The following NAV2 variants were observed in gnomAD, a reference collection of about 807,000 sequenced individuals.
The protein encoded by NAV2 is helicase, APC down-regulated 1.
Under a neutral mutation model 223.2 loss-of-function variants are expected in NAV2, and 54 were observed. That is an observed-to-expected ratio of 0.24 (90% CI 0.19 to 0.30). The LOEUF is 0.30. Ranked by LOEUF, NAV2 falls within the 10% of genes least tolerant of loss-of-function variation. The probability of loss-of-function intolerance (pLI) is 1.00; values close to 1 mark genes in which losing one functional copy is unlikely to be tolerated. For missense variants in NAV2, 2,806 were observed against 3,147.5 expected (o/e 0.89, Z 2.60); for synonymous variants, 1,279 against 1,239.3 (o/e 1.03, Z -0.67).
intron 5 of NAV2, among the ~76,000 whole-genome samples, chr11:19,886,672 C>A (rs1018682164): frequency 6.6e-6 from 1 of 152,150 alleles, no homozygotes; most frequent in African/African-American, 2.4e-5. Flanking sequence ...AAAACAGGAC[C>A]TAGCTGGGGA....
intron 1 of NAV2, among the ~76,000 whole-genome samples, chr11:19,482,109 G>T (rs547931149): frequency 1.3e-5 from 2 of 152,198 alleles, no homozygotes; most frequent in African/African-American, 2.4e-5. Flanking sequence ...TTGAAAGTCT[G>T]CTGTGGGTAA....
At chr11:20,093,238 C>G (rs1464812340) in intron 29 of NAV2, 39 bp downstream of exon 29, 1 of 1,386,870 alleles carries the variant, frequency 7.2e-7, no homozygotes, top group Non-Finnish European at 1.0e-6. Context: ...CTGTCCCTCC[C>G]CCAGGTAGAA....
chr11:20,038,767 G>A lies in NAV2; in HGVS notation c.2907+2670G>A, dbSNP rs1360985589. 2.0e-5 allele frequency among the ~76,000 whole-genome samples: 3 copies of A among 152,218 alleles called. No homozygotes were observed. The East Asian group carries it at 5.8e-4, about 29-fold the overall frequency. ...GAGGCAGGGAGAAGTGGCTCAGCATGTCCATCAGGAAAGCAAATTGAGGAC... is the reference window on the plus strand; with the variant it reads ...GAGGCAGGGAGAAGTGGCTCAGCATATCCATCAGGAAAGCAAATTGAGGAC... On this transcript the variant is annotated intron_variant, in intron 12 of 37. Transcript: ENST00000349880.
intron 1 of NAV2, among the ~76,000 whole-genome samples, chr11:19,472,347 T>C (rs753614925): frequency 4.6e-5 from 7 of 152,156 alleles, no homozygotes; most frequent in Non-Finnish European, 1.0e-4. Context: ...GTGCCTCAGG[T>C]TCCTCATCTG....
At chr11:19,838,336 A>T (rs1005351897) in intron 2 of NAV2, among the ~76,000 whole-genome samples, 7 of 152,136 alleles carry the variant, frequency 4.6e-5, no homozygotes, top group African/African-American at 1.7e-4. Flanking sequence ...GGAGGGTGTC[A>T]ATCACAGAAA....
intron 1 of NAV2, among the ~76,000 whole-genome samples, chr11:19,535,617 T>G (rs556894598): frequency 1.3e-5 from 2 of 152,216 alleles, no homozygotes; most frequent in Non-Finnish European, 2.9e-5. Flanking sequence ...AGTATTCTAT[T>G]TATCCCTTAT....
At chr11:20,069,853 GC>G (rs1479624591) in intron 22 of NAV2, among the ~76,000 whole-genome samples, 2 of 152,160 alleles carry the variant, frequency 1.3e-5, no homozygotes, top group Non-Finnish European at 2.9e-5. Context: ...CCCAGCTTGA[GC>G]CTTAGTTTAC....
At chr11:19,624,272 G>A (rs981204246) in intron 1 of NAV2, among the ~76,000 whole-genome samples, 1 of 152,190 alleles carries the variant, frequency 6.6e-6, no homozygotes, top group Non-Finnish European at 1.5e-5. Flanking sequence ...CATGCTGGGA[G>A]TACCACTACT....
intron 1 of NAV2, among the ~76,000 whole-genome samples, chr11:19,359,840 T>C (rs564926966): frequency 6.6e-6 from 1 of 152,332 alleles, no homozygotes; most frequent in Non-Finnish European, 1.5e-5. Context: ...GTCACTTCTC[T>C]GCCTGTCTTG....
intron 1 of NAV2, among the ~76,000 whole-genome samples, chr11:19,582,871 G>C (rs887479742): frequency 2.6e-5 from 4 of 152,112 alleles, no homozygotes; most frequent in Non-Finnish European, 5.9e-5. Context: ...CTCTTTTTTG[G>C]TTCCATATGA....
chr11:19,463,383 A>C (rs962472078), intron 1 of NAV2, among the ~76,000 whole-genome samples: 3 of 152,210 alleles, frequency 2.0e-5, no homozygotes, highest in Non-Finnish European at 4.4e-5. Context: ...CTCTAATCCC[A>C]TGCCTGTGTC....
At chr11:19,615,044 C>T (rs1263043993) in intron 1 of NAV2, among the ~76,000 whole-genome samples, 1 of 152,052 alleles carries the variant, frequency 6.6e-6, no homozygotes, top group African/African-American at 2.4e-5. Flanking sequence ...CAGATGGCTG[C>T]CTGCCCCAAA....
intron 1 of NAV2, among the ~76,000 whole-genome samples, chr11:19,548,151 G>T (rs1156731144): frequency 2.0e-5 from 3 of 152,152 alleles, no homozygotes; most frequent in Admixed American, 2.0e-4. Flanking sequence ...ACAATTTCAT[G>T]GCTGTCGGTA....
chr11:20,001,853 A>AT (rs979245821), intron 11 of NAV2, among the ~76,000 whole-genome samples: 3 of 152,104 alleles, frequency 2.0e-5, no homozygotes, highest in Middle Eastern at 6.8e-3. Context: ...CTAAAGTGTA[A>AT]TAAAAAAAAA....
chr11:19,976,855 A>C (rs1163689392), intron 10 of NAV2, among the ~76,000 whole-genome samples: 2 of 152,196 alleles, frequency 1.3e-5, no homozygotes, highest in Non-Finnish European at 2.9e-5. Context: ...TGGTCACGTC[A>C]TCCTATGCTC....
At chr11:20,091,109 G>T in intron 27 of NAV2, 91 bp downstream of exon 27, 1 of 1,365,466 alleles carries the variant, frequency 7.3e-7, no homozygotes. Context: ...GGCTGCATCA[G>T]AATCTGGTGG....
At chr11:19,996,899 G>T (rs1325343451) in intron 11 of NAV2, among the ~76,000 whole-genome samples, 1 of 152,208 alleles carries the variant, frequency 6.6e-6, no homozygotes, top group East Asian at 1.9e-4. Context: ...AATGGGGACA[G>T]AGGGAAATGA....
intron 1 of NAV2, among the ~76,000 whole-genome samples, chr11:19,362,536 A>G (rs1388819647): frequency 6.6e-6 from 1 of 152,234 alleles, no homozygotes; most frequent in Non-Finnish European, 1.5e-5. Context: ...CCAGGAGTAC[A>G]CAGACCTGTT....
chr11:19,641,224 C>T (rs1368449264), intron 1 of NAV2, among the ~76,000 whole-genome samples: 4 of 152,160 alleles, frequency 2.6e-5, no homozygotes. Flanking sequence ...AATTTTGACT[C>T]TACATAGTTT....
Sources: allele counts gnomAD v4.1 joint callset (sites outside exome capture counted in the v4.1 genomes callset), GRCh38; gene constraint gnomAD v4.1.1; transcripts MANE v1.5; gene names NCBI Gene and HGNC (gene_info 2026-07-23, HGNC 2026-07-21).